PTPN12: variants seen among roughly 807,000 people sequenced by gnomAD.
The protein encoded by PTPN12 is protein tyrosine phosphatase non-receptor type 12.
Under a neutral mutation model 97.6 loss-of-function variants are expected in PTPN12, and 29 were observed. That is an observed-to-expected ratio of 0.30 (90% CI 0.22 to 0.41). The LOEUF is 0.41. PTPN12 is among the 10% of genes least tolerant of loss of function. PTPN12 has a pLI of 1.00. For missense variants in PTPN12, 819 were observed against 926.0 expected (o/e 0.88, Z 1.50); for synonymous variants, 327 against 300.4 (o/e 1.09, Z -0.91).
chr7:77,561,992 G>A (rs1015445680), intron 1 of PTPN12, among the ~76,000 whole-genome samples: 3 of 150,862 alleles, frequency 2.0e-5, no homozygotes, highest in Non-Finnish European at 4.4e-5. Context: ...GGGTTTCACC[G>A]TGTTAGCCAG....
chr7:77,606,835 C>G (rs1323380366), intron 8 of PTPN12: 1 of 163,514 alleles, frequency 6.1e-6, no homozygotes, highest in Non-Finnish European at 1.3e-5. Context: ...ACCAGATGGA[C>G]TGTCATGGTG....
intron 1 of PTPN12, chr7:77,537,977 C>T: frequency 5.0e-6 from 4 of 794,542 alleles, no homozygotes; most frequent in Non-Finnish European, 4.3e-6. Context: ...GAGGTGCAGG[C>T]CGGGGGGGGG....
chr7:77,575,335 ACG>A (rs1466730014), intron 2 of PTPN12, among the ~76,000 whole-genome samples: 5 of 151,952 alleles, frequency 3.3e-5, no homozygotes, highest in African/African-American at 9.7e-5. Flanking sequence ...ACACGCACGC[ACG>A]CACGCACACA....
chr7:77,539,825 C>CG (rs1417827606), intron 1 of PTPN12, among the ~76,000 whole-genome samples: 1 of 152,064 alleles, frequency 6.6e-6, no homozygotes, highest in Non-Finnish European at 1.5e-5. Context: ...GGACTACAGG[C>CG]GCAAGCTACC....
chr7:77,554,691 TG>T (rs1251981280), intron 1 of PTPN12, among the ~76,000 whole-genome samples: 1 of 152,202 alleles, frequency 6.6e-6, no homozygotes, highest in Non-Finnish European at 1.5e-5. Context: ...TAATCTTTTC[TG>T]GGGGACAGGG....
intron 2 of PTPN12, among the ~76,000 whole-genome samples, chr7:77,573,831 G>T (rs758108309): frequency 5.9e-5 from 9 of 152,128 alleles, no homozygotes; most frequent in Non-Finnish European, 1.2e-4. Context: ...TGCGATCTCC[G>T]CACACTATAA....
chr7:77,542,692 A>G (rs78185195), intron 1 of PTPN12, among the ~76,000 whole-genome samples: 3,718 of 152,254 alleles, frequency 0.024, 146 homozygotes, highest in African/African-American at 0.083. Context: ...AGAGAATACC[A>G]TTTGGTAGAG....
intron 12 of PTPN12, among the ~76,000 whole-genome samples, chr7:77,622,231 A>C (rs1163095444): frequency 1.3e-5 from 2 of 152,210 alleles, no homozygotes; most frequent in Non-Finnish European, 2.9e-5. Flanking sequence ...CTGGGATTGC[A>C]GGCGTGAGCC....
At chr7:77,634,163 G>A (rs1789503431) in intron 14 of PTPN12, among the ~76,000 whole-genome samples, 1 of 141,758 alleles carries the variant, frequency 7.1e-6, no homozygotes, top group Non-Finnish European at 1.5e-5. Flanking sequence ...TCGCACCACT[G>A]TACTCCAGTT....
chr7:77,624,449 A>G (rs954716126), intron 12 of PTPN12, among the ~76,000 whole-genome samples: 1 of 151,672 alleles, frequency 6.6e-6, no homozygotes, highest in South Asian at 2.1e-4. Context: ...TATTTATTTT[A>G]TTTATTTTGA....
At chr7:77,549,519 C>G (rs1385350480) in intron 1 of PTPN12, among the ~76,000 whole-genome samples, 3 of 151,194 alleles carry the variant, frequency 2.0e-5, no homozygotes, top group African/African-American at 7.3e-5. Flanking sequence ...AATTTTTCAA[C>G]ATTAAAATAT....
Position 77,638,714 on chromosome 7 carries a change from C to T in PTPN12, c.2264C>T (p.Thr755Ile). 6.2e-7 allele frequency: 1 copy of T among 1,603,280 alleles called. No individual in the cohort carries two copies. The change falls in exon 17 of 18, where the codon ACA becomes ATA. Residue 755 changes from threonine (T) to isoleucine (I), a missense_variant. Thr to Ile is a moderately conservative substitution (Grantham distance 89, BLOSUM62 -1). Transcript: ENST00000248594. ...AGAGAACAAATATCAGAAAATCCAA[C>T]AGAAGCCACAGATATTGGTAATTTG... is the stretch of plus-strand genomic sequence containing the variant. Reference protein sequence around the residue: ...DKREQISENPTEATDIGFGNR... With the variant: ...DKREQISENPIEATDIGFGNR...
intron 7 of PTPN12, among the ~76,000 whole-genome samples, chr7:77,599,815 G>A (rs747037094): frequency 3.3e-5 from 5 of 152,090 alleles, no homozygotes; most frequent in African/African-American, 4.8e-5. Context: ...CTTAGATTCC[G>A]AGTATTGCTC....
intron 1 of PTPN12, among the ~76,000 whole-genome samples, chr7:77,565,808 A>AAAAAT (rs1157990888): frequency 1.3e-5 from 2 of 152,236 alleles, no homozygotes; most frequent in Non-Finnish European, 2.9e-5. Context: ...CAAAAATTCT[A>AAAAAT]AGTATTAAAA....
At chr7:77,589,243 C>A (rs896260967) in intron 5 of PTPN12, among the ~76,000 whole-genome samples, 2 of 152,140 alleles carry the variant, frequency 1.3e-5, no homozygotes, top group Non-Finnish European at 2.9e-5. Flanking sequence ...TGTTTCCTAT[C>A]TTCAAAACTG....
intron 16 of PTPN12, 48 bp downstream of exon 16, chr7:77,637,096 T>A: frequency 7.1e-7 from 1 of 1,412,968 alleles, no homozygotes; most frequent in Non-Finnish European, 9.9e-7. Context: ...ATTTTATTGA[T>A]TAATTTCTAC....
At chr7:77,549,742 A>G (rs1166576571) in intron 1 of PTPN12, among the ~76,000 whole-genome samples, 3 of 151,892 alleles carry the variant, frequency 2.0e-5, no homozygotes, top group Non-Finnish European at 4.4e-5. Flanking sequence ...ACCATGTCCT[A>G]CTAATTTTTT....
At chr7:77,631,536 C>G (rs1004240478) in intron 13 of PTPN12, among the ~76,000 whole-genome samples, 18 of 152,238 alleles carry the variant, frequency 1.2e-4, no homozygotes, top group Admixed American at 9.2e-4. Context: ...GGATTGTATT[C>G]TTATATTTTC....
chr7:77,588,862 TTTTG>T lies in PTPN12; in HGVS notation c.420+3297_420+3300del, dbSNP rs916861201. Among the ~76,000 whole-genome samples, 148 of 152,174 alleles carry T rather than the reference TTTTG, an allele frequency of 9.7e-4. 1 individual carries two copies. The highest frequency in any genetic ancestry group is 3.4e-3 in the African/African-American group (141 of 41,536). The stretch of plus-strand genomic sequence containing the variant: ...GTTATCATTAATATATGGTTTGAAT[TTTTG>T]TTTGTTTGTTTGTTTTGAGACTGTG... On this transcript the variant is annotated intron_variant, in intron 5 of 17. Coordinates refer to ENST00000248594, the MANE Select transcript of PTPN12 (RefSeq NM_002835.4).
Sources: allele counts gnomAD v4.1 joint callset (sites outside exome capture counted in the v4.1 genomes callset), GRCh38; gene constraint gnomAD v4.1.1; transcripts MANE v1.5; gene names NCBI Gene and HGNC (gene_info 2026-07-23, HGNC 2026-07-21).